KDM3B: variants seen among roughly 807,000 people sequenced by gnomAD.
The protein encoded by KDM3B is lysine demethylase 3B, also known as lysine-specific demethylase 3B.
Under a neutral mutation model 170.0 loss-of-function variants are expected in KDM3B, and 10 were observed. The ratio of observed to expected loss-of-function variants is 0.06; its 90% CI spans 0.04 to 0.10. The LOEUF is 0.10. Among genes scored for constraint, KDM3B ranks in the 10% least tolerant of loss-of-function variants. KDM3B has a pLI of 1.00. For missense variants in KDM3B, 1,394 were observed against 2,195.2 expected, an observed-to-expected ratio of 0.64 and a Z score of 7.29; for synonymous variants, 831 against 834.8, an observed-to-expected ratio of 1.00 and a Z score of 0.08.
intron 11 of KDM3B, among the ~76,000 whole-genome samples, chr5:138,414,379 A>T (rs111686113): frequency 0.027 from 4,146 of 151,972 alleles, 82 homozygotes; most frequent in Middle Eastern, 0.037. Context: ...ATTAGCCAGG[A>T]TGGTCTCGAT....
In KDM3B at chr5:138,391,684, A is replaced by G. The variant is rs1447568794; in HGVS notation, c.2052A>G (p.Ala684=). 1 of 1,614,036 alleles carries G rather than the reference A, an allele frequency of 6.2e-7. No homozygotes were observed. The highest frequency in any genetic ancestry group is 1.3e-5 in the African/African-American group (1 of 74,998). ...AGTCTCACTCCTCTGCAGATTCGGC[A>G]TCTTTAGCAAAGAAGAAACCCCTCT... The part of the protein sequence containing the change: ...WPESHSSADS[A]SLAKKKPLFI... The change falls in exon 8 of 24, where the codon GCA becomes GCG. Residue 684 remains alanine, a synonymous_variant. Coordinates refer to ENST00000314358, the MANE Select transcript of KDM3B (RefSeq NM_016604.4). This position sits in a 1 kb window ranked among gnomAD's most constrained non-coding sequence, Gnocchi z 5.0.
chr5:138,401,924 CT>C (rs543028030), intron 11 of KDM3B, among the ~76,000 whole-genome samples: 19 of 146,720 alleles, frequency 1.3e-4, no homozygotes, highest in East Asian at 6.0e-4. Flanking sequence ...TTTTTTCTTT[CT>C]TTTTTTTTTG....
intron 20 of KDM3B, among the ~76,000 whole-genome samples, chr5:138,428,636 C>T (rs144405807): frequency 2.0e-5 from 3 of 152,250 alleles, no homozygotes; most frequent in East Asian, 1.9e-4. Context: ...TACTACTTTG[C>T]GTATCTTTGA....
Position 138,353,138 on chromosome 5 carries a change from C to T in KDM3B, c.192+151C>T, listed in dbSNP as rs1761370869. On this transcript the variant is annotated intron_variant, in intron 1 of 23. Coordinates refer to ENST00000314358, the MANE Select transcript of KDM3B (RefSeq NM_016604.4). ...AGCGCCCCCCGCCGGCACCTCCGCA[C>T]CCCGAGCGCTTGCCGGCATGGCTTC... The T allele has an allele frequency of 7.7e-6, 5 of 651,632 alleles. No individual in the cohort carries two copies. The South Asian group carries it at 2.4e-4, about 31-fold the overall frequency. 40.4% of individuals were successfully genotyped at this position (651,632 alleles called of 1,614,324 possible).
intron 7 of KDM3B, among the ~76,000 whole-genome samples, chr5:138,388,026 A>C (rs1303001209): frequency 6.6e-6 from 1 of 152,020 alleles, no homozygotes; most frequent in Non-Finnish European, 1.5e-5. Context: ...GCTTGCAGTG[A>C]GCCGAGATTG....
chr5:138,386,786 A>G (rs1481339148), intron 7 of KDM3B, among the ~76,000 whole-genome samples, 165 bp downstream of exon 7: 1 of 152,242 alleles, frequency 6.6e-6, no homozygotes, highest in Non-Finnish European at 1.5e-5. Context: ...GCAAATGTGT[A>G]TAGTTTAATA....
At chr5:138,384,149 G>A (rs565916137) in intron 6 of KDM3B, among the ~76,000 whole-genome samples, 1 of 151,714 alleles carries the variant, frequency 6.6e-6, no homozygotes, top group East Asian at 1.9e-4. Context: ...TGGAGGCTGA[G>A]GTAGGAGAAT....
Position 138,419,247 on chromosome 5 carries a change from A to G in KDM3B, c.3715+15A>G. 6.2e-7 allele frequency: 1 copy of G among 1,610,246 alleles called. No individual in the cohort carries two copies. The highest frequency in any genetic ancestry group is 8.5e-7 in the Non-Finnish European group (1 of 1,177,252). The stretch of plus-strand genomic sequence containing the variant: ...AGAAACAAAAGGTGAGATGCACACA[A>G]ACCTCTGCTCTGCCTATGGTAGAAA... On this transcript the variant is annotated intron_variant, in intron 14 of 23. Coordinates refer to ENST00000314358, the MANE Select transcript of KDM3B (RefSeq NM_016604.4).
intron 7 of KDM3B, among the ~76,000 whole-genome samples, chr5:138,389,010 A>G (rs574401812): frequency 6.6e-6 from 1 of 152,340 alleles, no homozygotes; most frequent in South Asian, 2.1e-4. Context: ...TTTTTCATTC[A>G]TGTGTGTATT....
intron 23 of KDM3B, among the ~76,000 whole-genome samples, chr5:138,433,783 C>T (rs1308754547): frequency 3.3e-5 from 5 of 151,622 alleles, no homozygotes; most frequent in East Asian, 2.0e-4. Context: ...CCGTTGCCCA[C>T]GCTGGAGGGC....
chr5:138,401,604 C>T (rs1156239626), intron 11 of KDM3B, among the ~76,000 whole-genome samples: 1 of 152,096 alleles, frequency 6.6e-6, no homozygotes, highest in South Asian at 2.1e-4. Flanking sequence ...TTTGTGTGAA[C>T]GTATGGTTGC....
At position 138,417,590 on chromosome 5, in the gene KDM3B, G is replaced by A. The variant is rs748316978; in HGVS notation, c.3415G>A (p.Val1139Ile). 1.7e-5 allele frequency: 28 copies of A among 1,613,866 alleles called. No individual in the cohort carries two copies. The highest frequency in any genetic ancestry group is 1.0e-4 in the Admixed American group (6 of 59,984). ...GAACAAATCTGTATTGAGACCTGCC[G>A]TCACCAATGGGATGTCACAGGTAAA... Reference protein sequence around the residue: ...RQNKSVLRPAVTNGMSQLPSI... With the variant: ...RQNKSVLRPAITNGMSQLPSI... The change falls in exon 13 of 24, where the codon GTC (valine) becomes ATC (isoleucine). Residue 1139 changes from valine (V) to isoleucine (I), a missense_variant. Physicochemically the swap from Val to Ile is conservative, Grantham distance 29. This residue lies in a region of KDM3B where 14 missense variants were observed against 32.5 expected (regional missense o/e 0.43). Transcript: ENST00000314358.
chr5:138,380,236 C>T (rs1275838344), intron 5 of KDM3B, among the ~76,000 whole-genome samples: 1 of 151,686 alleles, frequency 6.6e-6, no homozygotes, highest in Non-Finnish European at 1.5e-5. Flanking sequence ...ATCCGCCCAC[C>T]TCAGCCTCCC....
intron 14 of KDM3B, among the ~76,000 whole-genome samples, chr5:138,419,659 A>AT (rs1306508707): frequency 8.2e-6 from 1 of 122,086 alleles, no homozygotes. Context: ...TCTCAAAAAA[A>AT]AAAAAAAAAA....
At chr5:138,416,531 G>A (rs142865570) in intron 12 of KDM3B, among the ~76,000 whole-genome samples, 200 of 146,164 alleles carry the variant, frequency 1.4e-3, no homozygotes, top group African/African-American at 4.6e-3. Flanking sequence ...AGAGGTTGCA[G>A]TGAGCCAAGA....
chr5:138,384,904 A>G (rs1262884230), intron 6 of KDM3B, among the ~76,000 whole-genome samples: 2 of 148,506 alleles, frequency 1.3e-5, no homozygotes, highest in East Asian at 4.0e-4. Flanking sequence ...ACAGAGCAAG[A>G]CTCCATCTCA....
intron 16 of KDM3B, 94 bp downstream of exon 16, chr5:138,424,435 T>A: frequency 7.1e-7 from 1 of 1,405,174 alleles, no homozygotes; most frequent in Non-Finnish European, 9.7e-7. Context: ...CCAGGGAGAT[T>A]TAGACATAGT....
intron 23 of KDM3B, among the ~76,000 whole-genome samples, chr5:138,434,368 C>A (rs991726090): frequency 2.6e-5 from 4 of 151,914 alleles, no homozygotes; most frequent in Admixed American, 6.6e-5. Context: ...GCCAATATGG[C>A]GAAACCCCGT....
chr5:138,391,159 T>C lies in KDM3B; in HGVS notation c.1527T>C (p.Cys509=). The C allele has an allele frequency of 6.2e-7, 1 of 1,614,198 alleles. No homozygotes were observed. The highest frequency in any genetic ancestry group is 8.5e-7 in the Non-Finnish European group (1 of 1,180,022). Residue 509 remains cysteine (C), a synonymous_variant, in exon 8 of 24, where the codon TGT becomes TGC. Transcript: ENST00000314358. This position sits in a 1 kb window ranked among gnomAD's most constrained non-coding sequence, Gnocchi z 5.0. ...AACCTTTGGGCTTCTCTTTTGGCTGTAGCTCTGCACAAGAGGCACAGAAAG... is the reference window on the plus strand; with the variant it reads ...AACCTTTGGGCTTCTCTTTTGGCTGCAGCTCTGCACAAGAGGCACAGAAAG... ...ENKPLGFSFG[C]SSAQEAQKDT...
Sources: gnomAD v4.1 joint callset for allele counts (sites outside exome capture counted in the v4.1 genomes callset) on GRCh38, gnomAD v4.1.1 for gene constraint, gnomAD v4.1.1 regional missense constraint, Gnocchi (gnomAD v3.1) non-coding constraint, MANE v1.5 for transcripts, NCBI Gene and HGNC (gene_info 2026-07-23, HGNC 2026-07-21) for gene names.